Variants in ADGB observed in about 807,000 individuals in gnomAD.
ADGB encodes the protein calpain-7-like protein.
A neutral mutation model predicts 210.5 loss-of-function variants in ADGB; 172 were observed. The ratio of observed to expected loss-of-function variants is 0.82; its 90% CI spans 0.72 to 0.93. The LOEUF (loss-of-function observed/expected upper bound fraction) is 0.93, where lower values mean the gene tolerates loss of function less well. ADGB is among the 40% of genes least tolerant of loss of function. The pLI, the probability that ADGB is intolerant of heterozygous loss-of-function variation, is 0.00. For missense variants in ADGB, 2,025 were observed against 1,964.8 expected, an observed-to-expected ratio of 1.03 and a Z score of -0.58; for synonymous variants, 658 against 662.7, an observed-to-expected ratio of 0.99 and a Z score of 0.11.
chr6:146,695,732 G>A (rs1776392846), intron 12 of ADGB, among the ~76,000 whole-genome samples: 1 of 151,760 alleles, frequency 6.6e-6, no homozygotes, highest in Non-Finnish European at 1.5e-5. Context: ...ATATTAAAAG[G>A]AATGAACAAG....
Position 146,692,810 on chromosome 6 carries a change from A to G in ADGB, c.1487-15A>G. 7.1e-7 allele frequency: 1 copy of G among 1,414,344 alleles called. No individual in the cohort carries two copies. The highest frequency in any genetic ancestry group is 9.6e-7 in the Non-Finnish European group (1 of 1,040,084). 87.6% of individuals were successfully genotyped at this position (1,414,344 alleles called of 1,614,324 possible). A position where few individuals can be genotyped will look rare whatever the true frequency, so the allele number is the denominator to read the frequency against. On this transcript the variant is annotated splice_polypyrimidine_tract_variant and intron_variant, in intron 11 of 35. Transcript: ENST00000397944. ...TTTTAAATGTACATCATACTTTCTA[A>G]CTGCTACTTTTTAGAGTTAATAGTA...
In ADGB at chr6:146,691,449, T is replaced by TAAAATATAAA. The variant is rs71031006; in HGVS notation, c.1486+160_1486+161insAAATATAAAA. On this transcript the variant is annotated intron_variant, in intron 11 of 35. Transcript: ENST00000397944. ...ATATATATATATATATATAAAAATA[T>TAAAATATAAA]ATATATATAAAAATATATATATATA... Among the ~76,000 whole-genome samples, 26 of 55,980 alleles carry TAAAATATAAA rather than the reference T, an allele frequency of 4.6e-4. 1 individual carries two copies. In the East Asian group the frequency reaches 6.0e-3, roughly 13 times the overall value. The allele number at this position is 55,980 out of a possible 152,430, so 36.7% of individuals were successfully genotyped here.
chr6:146,676,201 C>T, intron 8 of ADGB, 112 bp from the exon 9 acceptor site: 1 of 944,820 alleles, frequency 1.1e-6, no homozygotes, highest in Non-Finnish European at 1.5e-6. Flanking sequence ...CATAATTTTA[C>T]ATTAAATAAT....
intron 1 of ADGB, among the ~76,000 whole-genome samples, chr6:146,609,311 C>T (rs1780673392): frequency 1.3e-5 from 2 of 152,108 alleles, no homozygotes; most frequent in Non-Finnish European, 2.9e-5. Context: ...TATCTTGAGT[C>T]TTGCTTCTTT....
chr6:146,809,862 A>G (rs1225114624), intron 35 of ADGB, among the ~76,000 whole-genome samples: 20 of 152,218 alleles, frequency 1.3e-4, no homozygotes, highest in Admixed American at 5.9e-4. Context: ...TGCTTAGAAG[A>G]TTGCATACAG....
intron 12 of ADGB, among the ~76,000 whole-genome samples, chr6:146,696,963 C>A (rs1583594595): frequency 1.3e-5 from 2 of 152,184 alleles, no homozygotes; most frequent in African/African-American, 4.8e-5. Flanking sequence ...TAATCATTAG[C>A]ACTGATGAAT....
Position 146,696,176 on chromosome 6 carries a change from A to G in ADGB, c.1577+3261A>G, listed in dbSNP as rs186496377. The stretch of plus-strand genomic sequence containing the variant: ...CTGCAACCTCTGCCTTCCAGGTTCA[A>G]GTGATTCTCCTGCATCAGCCTCCCA... On this transcript the variant is annotated intron_variant, in intron 12 of 35. Coordinates refer to ENST00000397944, the MANE Select transcript of ADGB (RefSeq NM_024694.4). Among the ~76,000 whole-genome samples the G allele has an allele frequency of 3.6e-3, 545 of 151,966 alleles. 1 individual carries two copies. The highest frequency in any genetic ancestry group is 0.012 in the African/African-American group (498 of 41,434).
At chr6:146,808,869 G>GA (rs1778255141) in intron 35 of ADGB, among the ~76,000 whole-genome samples, 1 of 151,518 alleles carries the variant, frequency 6.6e-6, no homozygotes, top group South Asian at 2.1e-4. Flanking sequence ...CAGGTCGTGG[G>GA]GGTGACAAAG....
chr6:146,799,392 G>C (rs1053443768), intron 33 of ADGB, among the ~76,000 whole-genome samples: 1 of 152,040 alleles, frequency 6.6e-6, no homozygotes, highest in Non-Finnish European at 1.5e-5. Flanking sequence ...AAATTAGCTT[G>C]GCGTGGTGGC....
At chr6:146,806,741 C>A (rs748743283) in intron 35 of ADGB, among the ~76,000 whole-genome samples, 10 of 152,102 alleles carry the variant, frequency 6.6e-5, no homozygotes, top group Non-Finnish European at 1.5e-4. Context: ...ACTTCCCTTT[C>A]AAGAGATGAA....
intron 19 of ADGB, among the ~76,000 whole-genome samples, chr6:146,726,977 G>A (rs571312559): frequency 2.0e-3 from 302 of 152,008 alleles, no homozygotes; most frequent in African/African-American, 7.0e-3. Flanking sequence ...ATTCTTCTTG[G>A]TCTCTTCTCC....
intron 1 of ADGB, among the ~76,000 whole-genome samples, chr6:146,628,323 A>G (rs1376394561): frequency 1.3e-5 from 2 of 151,946 alleles, no homozygotes; most frequent in Non-Finnish European, 2.9e-5. Flanking sequence ...AATTACCTTC[A>G]ATTTTTAAAA....
intron 1 of ADGB, 106 bp downstream of exon 1, chr6:146,599,220 A>G: frequency 2.0e-6 from 2 of 990,592 alleles, no homozygotes; most frequent in South Asian, 2.8e-5. Flanking sequence ...GCAGAAGTTT[A>G]GTGGCCTCCT....
intron 9 of ADGB, among the ~76,000 whole-genome samples, chr6:146,678,328 G>A (rs982705260): frequency 4.6e-5 from 7 of 152,180 alleles, no homozygotes; most frequent in African/African-American, 1.7e-4. Flanking sequence ...CCAGGTTCAA[G>A]CGATTCTTGT....
chr6:146,618,370 A>G (rs1562256372), intron 1 of ADGB, among the ~76,000 whole-genome samples: 1 of 151,818 alleles, frequency 6.6e-6, no homozygotes, highest in Non-Finnish European at 1.5e-5. Context: ...TTCGTCAGAA[A>G]TAGCTCTGAT....
intron 1 of ADGB, among the ~76,000 whole-genome samples, chr6:146,612,912 C>A (rs1192086198): frequency 1.3e-5 from 2 of 152,150 alleles, no homozygotes; most frequent in Non-Finnish European, 2.9e-5. Context: ...TAACCCTCTT[C>A]CCATTTCCTT....
At chr6:146,682,511 CT>C (rs1474957235) in intron 9 of ADGB, among the ~76,000 whole-genome samples, 3 of 151,828 alleles carry the variant, frequency 2.0e-5, no homozygotes, top group African/African-American at 7.3e-5. Context: ...TCTTAAATTT[CT>C]TTCTCAATTA....
chr6:146,622,711 C>A (rs1260998081), intron 1 of ADGB, among the ~76,000 whole-genome samples: 1 of 151,926 alleles, frequency 6.6e-6, no homozygotes, highest in Non-Finnish European at 1.5e-5. Context: ...CTTTGAAGAG[C>A]AGAAATTTTA....
intron 1 of ADGB, among the ~76,000 whole-genome samples, chr6:146,627,485 C>T (rs1186046018): frequency 6.6e-6 from 1 of 152,150 alleles, no homozygotes; most frequent in East Asian, 1.9e-4. Context: ...TTACGTGGAA[C>T]CAGAGCCATG....
Sources: gnomAD v4.1 joint callset for allele counts (sites outside exome capture counted in the v4.1 genomes callset) on GRCh38, gnomAD v4.1.1 for gene constraint, MANE v1.5 for transcripts, NCBI Gene and HGNC (gene_info 2026-07-23, HGNC 2026-07-21) for gene names.